PITPNC1: variants seen among roughly 807,000 people sequenced by gnomAD.
PITPNC1 encodes cytoplasmic phosphatidylinositol transfer protein 1.
A neutral mutation model predicts 44.7 loss-of-function variants in PITPNC1; 18 were observed. That is an observed-to-expected ratio of 0.40 (90% CI 0.28 to 0.60). PITPNC1 has a LOEUF of 0.60. Ranked by LOEUF, PITPNC1 falls within the 20% of genes least tolerant of loss-of-function variation. PITPNC1 has a pLI of 0.39. For missense variants in PITPNC1, 290 were observed against 418.4 expected (o/e 0.69, Z 2.68); for synonymous variants, 141 against 149.6 (o/e 0.94, Z 0.42).
At chr17:67,396,746 C>A (rs1360807427) in intron 1 of PITPNC1, among the ~76,000 whole-genome samples, 1 of 152,052 alleles carries the variant, frequency 6.6e-6, no homozygotes, top group Non-Finnish European at 1.5e-5. Context: ...CTCGCTGCAG[C>A]CTTCACCTCC....
chr17:67,538,743 C>T (rs1366043742), intron 2 of PITPNC1, among the ~76,000 whole-genome samples: 2 of 151,504 alleles, frequency 1.3e-5, no homozygotes, highest in Non-Finnish European at 2.9e-5. Flanking sequence ...TAAATGGAAT[C>T]ATTAATATTA....
chr17:67,652,189 A>T (rs1385696875), intron 6 of PITPNC1, among the ~76,000 whole-genome samples: 1 of 152,186 alleles, frequency 6.6e-6, no homozygotes, highest in African/African-American at 2.4e-5. Context: ...GTAATTAATC[A>T]TGGAGACTTC....
At chr17:67,423,027 G>GAGTTGGGTAAA (rs1206011106) in intron 1 of PITPNC1, among the ~76,000 whole-genome samples, 4 of 151,982 alleles carry the variant, frequency 2.6e-5, no homozygotes, top group Non-Finnish European at 5.9e-5. Context: ...AGTTGGGTAA[G>GAGTTGGGTAAA]GAAGAGCTGT....
At chr17:67,448,033 C>A (rs2039124971) in intron 1 of PITPNC1, among the ~76,000 whole-genome samples, 1 of 151,998 alleles carries the variant, frequency 6.6e-6, no homozygotes, top group Non-Finnish European at 1.5e-5. Flanking sequence ...GCAACCTCCA[C>A]CTCCCAGGTT....
chr17:67,436,164 C>A (rs2038934569), intron 1 of PITPNC1, among the ~76,000 whole-genome samples: 1 of 150,584 alleles, frequency 6.6e-6, no homozygotes, highest in South Asian at 2.1e-4. Context: ...AGCCACCCAG[C>A]TAATTTTTAA....
At chr17:67,399,644 T>C (rs972128378) in intron 1 of PITPNC1, among the ~76,000 whole-genome samples, 4 of 152,214 alleles carry the variant, frequency 2.6e-5, no homozygotes, top group African/African-American at 9.6e-5. Context: ...ATGTATAACA[T>C]AACCACATTT....
chr17:67,524,269 A>G (rs2144113825), intron 1 of PITPNC1, among the ~76,000 whole-genome samples: 1 of 152,136 alleles, frequency 6.6e-6, no homozygotes, highest in African/African-American at 2.4e-5. Context: ...ATAGCAAGAT[A>G]CCATCTCTAC....
chr17:67,461,249 A>C (rs1300593567), intron 1 of PITPNC1, among the ~76,000 whole-genome samples: 1 of 152,224 alleles, frequency 6.6e-6, no homozygotes, highest in Admixed American at 6.5e-5. Context: ...ATGAGAAGTA[A>C]AACATATTCT....
chr17:67,541,871 T>G (rs947912404), intron 2 of PITPNC1, among the ~76,000 whole-genome samples: 1 of 152,192 alleles, frequency 6.6e-6, no homozygotes, highest in Non-Finnish European at 1.5e-5. Flanking sequence ...GAGAAAGACT[T>G]CGGCTCAGGT....
chr17:67,479,434 A>G (rs2039674906), intron 1 of PITPNC1, among the ~76,000 whole-genome samples: 3 of 151,768 alleles, frequency 2.0e-5, no homozygotes. Context: ...GAAATAAATC[A>G]TTAGCTAGAT....
rs868677615 is a variant in PITPNC1 at position 67,496,914 on chromosome 17, A to T, written c.49-35888A>T. On this transcript the variant is annotated intron_variant, in intron 1 of 8. Coordinates refer to ENST00000581322, the MANE Select transcript of PITPNC1 (RefSeq NM_012417.4). ...TTCTCTGCAGAGCTTACCATAGTTT[A>T]AAAAAAAAAAAAAGTGCTGTTTTAT... Among the ~76,000 whole-genome samples the T allele has an allele frequency of 2.4e-3, 325 of 137,810 alleles. 4 individuals are homozygous for T. The highest frequency in any genetic ancestry group is 7.5e-3 in the African/African-American group (271 of 35,994). The allele number at this position is 137,810 out of a possible 152,430, so 90.4% of individuals were successfully genotyped here. A position where few individuals can be genotyped will look rare whatever the true frequency, so the allele number is the denominator to read the frequency against.
intron 1 of PITPNC1, among the ~76,000 whole-genome samples, chr17:67,488,148 T>C (rs796677340): frequency 6.6e-6 from 1 of 152,170 alleles, no homozygotes; most frequent in Non-Finnish European, 1.5e-5. Context: ...AAAAATACAT[T>C]GAGTCAACCC....
chr17:67,614,907 T>C lies in PITPNC1; in HGVS notation c.367-17236T>C, dbSNP rs541160208. 7.9e-5 allele frequency among the ~76,000 whole-genome samples: 12 copies of C among 151,878 alleles called. No individual in the cohort carries two copies. The South Asian group carries it at 1.7e-3, about 21-fold the overall frequency. On this transcript the variant is annotated intron_variant, in intron 5 of 8. Coordinates refer to ENST00000581322, the MANE Select transcript of PITPNC1 (RefSeq NM_012417.4). Reference sequence around the variant, plus strand: ...ACGCCAGAATTGATTCACGAGAGTATATGTGAGAGCTGGTCTATGAAGGCA... The same window carrying C: ...ACGCCAGAATTGATTCACGAGAGTACATGTGAGAGCTGGTCTATGAAGGCA...
At chr17:67,645,134 A>C (rs2042132922) in intron 6 of PITPNC1, among the ~76,000 whole-genome samples, 1 of 152,056 alleles carries the variant, frequency 6.6e-6, no homozygotes, top group Admixed American at 6.6e-5. Context: ...TGAGGTCGGG[A>C]GTTTGAGACC....
At position 67,667,078 on chromosome 17, in the gene PITPNC1, G is replaced by A. The variant is rs184923398; in HGVS notation, c.463-2430G>A. On this transcript the variant is annotated intron_variant, in intron 6 of 8. Coordinates refer to ENST00000581322, the MANE Select transcript of PITPNC1 (RefSeq NM_012417.4). ...TGACTGCCAGGTTTCTCCTGGGAGG[G>A]GAGATGCCAATTTTCTGCTTCAGCC... Among the ~76,000 whole-genome samples the A allele has an allele frequency of 5.5e-4, 84 of 152,278 alleles. No homozygotes were observed. In the East Asian group the frequency reaches 0.016, roughly 28 times the overall value.
At chr17:67,681,708 C>A (rs2042711969) in intron 8 of PITPNC1, among the ~76,000 whole-genome samples, 1 of 148,540 alleles carries the variant, frequency 6.7e-6, no homozygotes, top group South Asian at 2.2e-4. Context: ...AGCCAATAAA[C>A]TTACTAGTAA....
chr17:67,644,747 C>T (rs2042128921), intron 6 of PITPNC1, among the ~76,000 whole-genome samples: 2 of 152,008 alleles, frequency 1.3e-5, no homozygotes, highest in African/African-American at 4.8e-5. Context: ...TTCAAGAAAA[C>T]AGGCAATGAG....
intron 5 of PITPNC1, among the ~76,000 whole-genome samples, chr17:67,581,682 C>T (rs1399614200): frequency 6.6e-6 from 1 of 152,184 alleles, no homozygotes; most frequent in Admixed American, 6.5e-5. Flanking sequence ...CTCTGTTTTA[C>T]ATATTCAGCG....
At position 67,377,936 on chromosome 17, in the gene PITPNC1, G is replaced by A. The variant is rs929879423; in HGVS notation, c.-219G>A. On this transcript the variant is annotated 5_prime_UTR_variant, in exon 1 of 9. Transcript: ENST00000581322. ...GTTCCGGGAGGACCGGCCTCGGCGAGGGAGGAGGCGGGGGAGCTGCGAACA... is the reference window on the plus strand; with the variant it reads ...GTTCCGGGAGGACCGGCCTCGGCGAAGGAGGAGGCGGGGGAGCTGCGAACA... 7.4e-6 allele frequency: 3 copies of A among 408,106 alleles called. No individual in the cohort carries two copies. The highest frequency in any genetic ancestry group is 1.3e-5 in the Non-Finnish European group (3 of 232,498). The allele number at this position is 408,106 out of a possible 1,614,324, so 25.3% of individuals were successfully genotyped here.
Sources: allele counts gnomAD v4.1 joint callset (sites outside exome capture counted in the v4.1 genomes callset), GRCh38; gene constraint gnomAD v4.1.1; transcripts MANE v1.5; gene names NCBI Gene and HGNC (gene_info 2026-07-23, HGNC 2026-07-21).